The following FRMD4A variants were observed in gnomAD, a reference collection of about 807,000 sequenced individuals.
FRMD4A encodes the protein FERM domain-containing protein 4A.
A neutral mutation model predicts 129.1 loss-of-function variants in FRMD4A; 29 were observed. That is an observed-to-expected ratio of 0.22 (90% CI 0.17 to 0.31). FRMD4A has a LOEUF of 0.31. Among genes scored for constraint, FRMD4A ranks in the 10% least tolerant of loss-of-function variants. The pLI is 1.00. For synonymous variants in FRMD4A, 634 were observed against 571.6 expected (o/e 1.11, Z -1.56); for missense variants, 1,272 against 1,375.8 (o/e 0.92, Z 1.19).
intron 2 of FRMD4A, among the ~76,000 whole-genome samples, chr10:14,279,181 G>GTTTTTTTT (rs1589258278): frequency 1.5e-5 from 2 of 130,724 alleles, no homozygotes; most frequent in Non-Finnish European, 3.3e-5. Flanking sequence ...GAGGAAGCGG[G>GTTTTTTTT]ATTTTTTTTT....
At chr10:14,114,388 A>C (rs907713772) in intron 2 of FRMD4A, among the ~76,000 whole-genome samples, 8 of 152,196 alleles carry the variant, frequency 5.3e-5, no homozygotes, top group Non-Finnish European at 1.0e-4. Flanking sequence ...CGGAAAGGGC[A>C]TATACCCATG....
chr10:13,859,105 C>T (rs535268219), intron 2 of FRMD4A, among the ~76,000 whole-genome samples, 193 bp from the exon 3 acceptor site: 3 of 152,248 alleles, frequency 2.0e-5, no homozygotes, highest in African/African-American at 7.2e-5. Flanking sequence ...AGGCCGGGCG[C>T]GGTGGCTCAC....
chr10:13,942,330 G>T (rs557544387), intron 2 of FRMD4A, among the ~76,000 whole-genome samples: 2 of 152,296 alleles, frequency 1.3e-5, no homozygotes, highest in South Asian at 4.1e-4. Flanking sequence ...GCCTGGGAGA[G>T]CAGCCAGGGC....
chr10:13,969,060 C>G (rs2095502361), intron 2 of FRMD4A, among the ~76,000 whole-genome samples: 1 of 152,178 alleles, frequency 6.6e-6, no homozygotes, highest in South Asian at 2.1e-4. Flanking sequence ...AAATGCTGAC[C>G]ATGGGTTGGT....
chr10:14,297,976 C>T (rs887352781), intron 2 of FRMD4A, among the ~76,000 whole-genome samples: 7 of 152,102 alleles, frequency 4.6e-5, no homozygotes, highest in African/African-American at 9.7e-5. Flanking sequence ...AGCTGTTACA[C>T]GAGGGAAATA....
intron 2 of FRMD4A, among the ~76,000 whole-genome samples, chr10:14,243,911 C>T (rs1844143380): frequency 6.6e-6 from 1 of 151,650 alleles, no homozygotes; most frequent in Non-Finnish European, 1.5e-5. Flanking sequence ...AATGGGCCCT[C>T]AGTTGTATAT....
chr10:13,809,160 C>A (rs2093405280), intron 4 of FRMD4A, among the ~76,000 whole-genome samples: 1 of 152,208 alleles, frequency 6.6e-6, no homozygotes, highest in African/African-American at 2.4e-5. Flanking sequence ...GAGTGACTTT[C>A]TACCTAGGTC....
intron 2 of FRMD4A, among the ~76,000 whole-genome samples, chr10:14,174,042 C>G (rs1239347548): frequency 6.6e-6 from 1 of 152,060 alleles, no homozygotes; most frequent in Non-Finnish European, 1.5e-5. Flanking sequence ...GGAGCCCTTC[C>G]ATGGTGGCAG....
At chr10:14,265,915 C>T (rs954109259) in intron 2 of FRMD4A, among the ~76,000 whole-genome samples, 3 of 152,132 alleles carry the variant, frequency 2.0e-5, no homozygotes, top group Non-Finnish European at 4.4e-5. Context: ...TGGGCAAATG[C>T]TTCACCTCTA....
At position 14,288,830 on chromosome 10, in the gene FRMD4A, G is replaced by T. The variant is rs12774786; in HGVS notation, c.45+41228C>A. 4.9e-3 allele frequency among the ~76,000 whole-genome samples: 746 copies of T among 152,166 alleles called. 11 individuals carry two copies. Among genetic ancestry groups the T allele is most frequent in the Non-Finnish European group, 4.9e-3 (334 of 67,996 alleles). ...ACCACCTTCTACTCTCTGTTTCTAT[G>T]AGTTTGACTATTTTAGATTCCTCAT... is the stretch of plus-strand genomic sequence containing the variant. On this transcript the variant is annotated intron_variant, in intron 2 of 24. Transcript: ENST00000357447.
rs887076507 is a variant in FRMD4A, at chr10:13,810,822, T to C, written c.198A>G (p.Thr66=). Residue 66 remains threonine (T), a synonymous_variant, in exon 4 of 25, where the codon ACA becomes ACG. Transcript: ENST00000357447. ...CTCAAGGCAGTACTTACGTTTCATC[T>C]GTGAATGCTATTCCAAAGTACTCCT... ...KEKEYFGIAF[T]DETGHLNWLQ... 1.9e-6 allele frequency: 3 copies of C among 1,554,760 alleles called. No individual in the cohort carries two copies. Among genetic ancestry groups the C allele is most frequent in the Non-Finnish European group, 2.7e-6 (3 of 1,126,704 alleles).
intron 2 of FRMD4A, among the ~76,000 whole-genome samples, chr10:13,977,448 G>A (rs549113205): frequency 6.6e-6 from 1 of 152,290 alleles, no homozygotes; most frequent in Non-Finnish European, 1.5e-5. Flanking sequence ...TTTAAATGAA[G>A]GTGGCCTATC....
chr10:14,150,750 C>T (rs914648983), intron 2 of FRMD4A, among the ~76,000 whole-genome samples: 8 of 152,142 alleles, frequency 5.3e-5, no homozygotes, highest in Admixed American at 1.3e-4. Flanking sequence ...CTAGGAAACA[C>T]GCTTACAGCC....
At chr10:13,893,759 C>A (rs897722059) in intron 2 of FRMD4A, among the ~76,000 whole-genome samples, 3 of 152,204 alleles carry the variant, frequency 2.0e-5, no homozygotes, top group Admixed American at 6.5e-5. Flanking sequence ...AGGTGATCCA[C>A]CCACCTTGGC....
At chr10:14,052,375 G>A (rs772145708) in intron 2 of FRMD4A, among the ~76,000 whole-genome samples, 37 of 152,178 alleles carry the variant, frequency 2.4e-4, no homozygotes, top group Non-Finnish European at 5.3e-4. Flanking sequence ...CCTGAAGCTG[G>A]GTAATTTATA....
At chr10:14,247,941 C>T (rs1161977735) in intron 2 of FRMD4A, among the ~76,000 whole-genome samples, 1 of 152,288 alleles carries the variant, frequency 6.6e-6, no homozygotes, top group Non-Finnish European at 1.5e-5. Flanking sequence ...TGGAAACAAA[C>T]GACTCTACAT....
chr10:14,001,274 A>G (rs1443160670), intron 2 of FRMD4A, among the ~76,000 whole-genome samples: 2 of 152,198 alleles, frequency 1.3e-5, no homozygotes, highest in Non-Finnish European at 2.9e-5. Flanking sequence ...AGTGTTTCCA[A>G]TGCAACACCA....
chr10:13,768,509 C>T (rs553327604), intron 6 of FRMD4A, among the ~76,000 whole-genome samples: 20 of 152,234 alleles, frequency 1.3e-4, no homozygotes, highest in Admixed American at 4.6e-4. Context: ...TATAGTAGGT[C>T]GAGAAGATTT....
chr10:13,964,674 G>GTTTTTTTTTTTTTTTTTT (rs35812447), intron 2 of FRMD4A, among the ~76,000 whole-genome samples: 1 of 128,254 alleles, frequency 7.8e-6, no homozygotes. Flanking sequence ...CTCTTCTTTT[G>GTTTTTTTTTTTTTTTTTT]TTTTTTTTTT....
Sources: gnomAD v4.1 joint callset for allele counts (sites outside exome capture counted in the v4.1 genomes callset) on GRCh38, gnomAD v4.1.1 for gene constraint, MANE v1.5 for transcripts, NCBI Gene and HGNC (gene_info 2026-07-23, HGNC 2026-07-21) for gene names.